The following UMAD1 variants were observed in gnomAD, a reference collection of about 807,000 sequenced individuals.
UMAD1 encodes UBAP1-MVB12-associated (UMA)-domain containing protein 1.
Under a neutral mutation model 6.1 loss-of-function variants are expected in UMAD1, and 8 were observed. The observed-to-expected ratio is 1.30, with a 90% CI of 0.76 to 2.35. The LOEUF is 2.35. Ranked by LOEUF, UMAD1 falls within the 30% of genes most tolerant of loss-of-function variation. The pLI is 0.00. For synonymous variants in UMAD1, 56 were observed against 31.4 expected (o/e 1.78, Z -2.61); for missense variants, 130 against 78.4 (o/e 1.66, Z -2.49).
chr7:7,873,922 T>A (rs1784371689), intron 3 of UMAD1, among the ~76,000 whole-genome samples: 1 of 152,180 alleles, frequency 6.6e-6, no homozygotes, highest in Non-Finnish European at 1.5e-5. Flanking sequence ...CTGTTCTAAT[T>A]TTCTCTCCAC....
chr7:7,820,603 G>C (rs760491296), intron 3 of UMAD1, among the ~76,000 whole-genome samples: 1 of 152,178 alleles, frequency 6.6e-6, no homozygotes, highest in Non-Finnish European at 1.5e-5. Flanking sequence ...AAAATGGCCT[G>C]TCAGGTGTCA....
intron 2 of UMAD1, among the ~76,000 whole-genome samples, chr7:7,749,427 A>T (rs1781636722): frequency 6.6e-6 from 1 of 152,208 alleles, no homozygotes; most frequent in African/African-American, 2.4e-5. Context: ...GCCTAATCCA[A>T]GGAAAAATAT....
chr7:7,752,810 T>C (rs1781703365), intron 2 of UMAD1, among the ~76,000 whole-genome samples: 1 of 152,244 alleles, frequency 6.6e-6, no homozygotes, highest in Non-Finnish European at 1.5e-5. Flanking sequence ...TATTTTCAGC[T>C]ATTTAAAATT....
At chr7:7,677,361 A>G in intron 2 of UMAD1, among the ~76,000 whole-genome samples, 1 of 151,912 alleles carries the variant, frequency 6.6e-6, no homozygotes, top group Middle Eastern at 3.2e-3. Context: ...ATCTAACTGT[A>G]TTTTTGTACC....
chr7:7,668,578 A>G (rs1779528494), intron 1 of UMAD1, among the ~76,000 whole-genome samples: 1 of 152,198 alleles, frequency 6.6e-6, no homozygotes. Flanking sequence ...GTTCTTAGAA[A>G]CTGACTTTAA....
intron 2 of UMAD1, among the ~76,000 whole-genome samples, chr7:7,784,739 A>G (rs1782425781): frequency 6.9e-6 from 1 of 144,616 alleles, no homozygotes; most frequent in South Asian, 2.3e-4. Flanking sequence ...GTTTTACATT[A>G]GCTTCTGCCC....
At chr7:7,789,925 A>G (rs1209461373) in intron 2 of UMAD1, among the ~76,000 whole-genome samples, 3 of 152,130 alleles carry the variant, frequency 2.0e-5, no homozygotes, top group African/African-American at 7.2e-5. Flanking sequence ...GTATGTTCAG[A>G]TATTTCTTTG....
chr7:7,861,710 A>AGTG (rs1563267889), intron 3 of UMAD1, among the ~76,000 whole-genome samples: 1 of 152,210 alleles, frequency 6.6e-6, no homozygotes, highest in East Asian at 1.9e-4. Context: ...ATTACTCTAT[A>AGTG]TATCAAATTC....
At chr7:7,705,151 TGAGAA>T (rs1780566742) in intron 2 of UMAD1, among the ~76,000 whole-genome samples, 1 of 152,202 alleles carries the variant, frequency 6.6e-6, no homozygotes, top group Non-Finnish European at 1.5e-5. Flanking sequence ...TATGCAATGA[TGAGAA>T]GAGATCTCAA....
chr7:7,807,213 A>G (rs768112867), intron 3 of UMAD1, among the ~76,000 whole-genome samples: 9 of 152,168 alleles, frequency 5.9e-5, no homozygotes, highest in African/African-American at 1.9e-4. Flanking sequence ...CGATGGAAGA[A>G]GGATATTGTC....
At chr7:7,777,530 C>G (rs1470118806) in intron 2 of UMAD1, among the ~76,000 whole-genome samples, 1 of 131,742 alleles carries the variant, frequency 7.6e-6, no homozygotes, top group African/African-American at 3.0e-5. Context: ...AAAAGAAAAA[C>G]TACAGTTAAT....
In UMAD1 at chr7:7,830,205, G is replaced by A. The variant is rs533035865; in HGVS notation, c.156+28462G>A. Among the ~76,000 whole-genome samples the A allele has an allele frequency of 5.3e-5, 8 of 152,138 alleles. No homozygotes were observed. Among genetic ancestry groups the A allele is most frequent in the South Asian group, 2.1e-4 (1 of 4,828 alleles). ...TGCTAGGACTGTGTCTACCTTGTAC[G>A]TTGTGCTGGAATCAACTTGCCATTT... On this transcript the variant is annotated intron_variant, in intron 3 of 3. Coordinates refer to ENST00000682710, the MANE Select transcript of UMAD1 (RefSeq NM_001302348.2). This position sits in a 1 kb window ranked among gnomAD's most constrained non-coding sequence, Gnocchi z 5.3.
At chr7:7,768,364 G>C (rs1418684004) in intron 2 of UMAD1, among the ~76,000 whole-genome samples, 1 of 152,128 alleles carries the variant, frequency 6.6e-6, no homozygotes, top group East Asian at 1.9e-4. Flanking sequence ...CTAACAGAAG[G>C]TTATTTGGGC....
At position 7,703,410 on chromosome 7, in the gene UMAD1, G is replaced by A. The variant is rs140830794; in HGVS notation, c.82+29957G>A. ...AGAATTTTTAACTTTTTAGTATGAAGTACCATTTTGTGAGTGCTCTAATTT... is the reference window on the plus strand; with the variant it reads ...AGAATTTTTAACTTTTTAGTATGAAATACCATTTTGTGAGTGCTCTAATTT... On this transcript the variant is annotated intron_variant, in intron 2 of 3. Coordinates refer to ENST00000682710, the MANE Select transcript of UMAD1 (RefSeq NM_001302348.2). Among the ~76,000 whole-genome samples the A allele has an allele frequency of 3.0e-3, 451 of 152,222 alleles. 10 individuals carry two copies. In the South Asian group the frequency reaches 0.041, roughly 14 times the overall value.
intron 2 of UMAD1, among the ~76,000 whole-genome samples, chr7:7,793,035 G>T (rs1484884053): frequency 1.3e-5 from 2 of 152,090 alleles, no homozygotes; most frequent in African/African-American, 4.8e-5. Flanking sequence ...TGCAGGGATC[G>T]GGGAGGACAC....
chr7:7,877,974 C>T lies in UMAD1; in HGVS notation c.*436C>T, dbSNP rs1346583954. ...GTTATTCCTGCATTTTTTTCTTCCACAGTGTTTATGAATGAATTCAGAAAA... is the reference window on the plus strand; with the variant it reads ...GTTATTCCTGCATTTTTTTCTTCCATAGTGTTTATGAATGAATTCAGAAAA... On this transcript the variant is annotated 3_prime_UTR_variant, in exon 4 of 4. Transcript: ENST00000682710. The T allele has an allele frequency of 6.1e-6, 1 of 164,104 alleles. No homozygotes were observed. The highest frequency in any genetic ancestry group is 2.4e-5 in the African/African-American group (1 of 41,544). The allele number at this position is 164,104 out of a possible 1,614,324, so 10.2% of individuals were successfully genotyped here.
chr7:7,724,101 C>G (rs1781097658), intron 2 of UMAD1, among the ~76,000 whole-genome samples: 1 of 152,150 alleles, frequency 6.6e-6, no homozygotes, highest in African/African-American at 2.4e-5. Context: ...ACAATTTATG[C>G]TGTTAATCTT....
intron 1 of UMAD1, among the ~76,000 whole-genome samples, chr7:7,667,878 C>G (rs1487936382): frequency 6.6e-6 from 1 of 152,208 alleles, no homozygotes; most frequent in African/African-American, 2.4e-5. Flanking sequence ...GTGCTCTACT[C>G]TACTAGCTAT....
At chr7:7,790,326 G>A (rs1782545094) in intron 2 of UMAD1, among the ~76,000 whole-genome samples, 1 of 152,184 alleles carries the variant, frequency 6.6e-6, no homozygotes, top group Admixed American at 6.5e-5. Context: ...TTATGCGGAT[G>A]AAAACTCTGT....
Sources: allele counts gnomAD v4.1 joint callset (sites outside exome capture counted in the v4.1 genomes callset), GRCh38; gene constraint gnomAD v4.1.1; non-coding constraint Gnocchi (gnomAD v3.1); transcripts MANE v1.5; gene names NCBI Gene and HGNC (gene_info 2026-07-23, HGNC 2026-07-21).